COL4A6: variants seen among roughly 807,000 people sequenced by gnomAD.
The protein encoded by COL4A6 is collagen alpha-6(IV) chain.
In COL4A6, 59 loss-of-function variants were observed where a neutral mutation model predicts 126.7. That is an observed-to-expected ratio of 0.47 (90% CI 0.38 to 0.58). The LOEUF is 0.58. Ranked by LOEUF, COL4A6 falls within the 20% of genes least tolerant of loss-of-function variation. COL4A6 has a pLI of 0.00. For synonymous variants in COL4A6, 547 were observed against 496.6 expected (o/e 1.10, Z -1.35); for missense variants, 1,285 against 1,337.3 (o/e 0.96, Z 0.61).
chrX:108,423,315 C>A (rs1569463296), intron 2 of COL4A6, among the ~76,000 whole-genome samples: 1 of 112,051 alleles, frequency 8.9e-6, no homozygotes, highest in Non-Finnish European at 1.9e-5. Flanking sequence ...AAGTTCTTAA[C>A]AATAACCCTA....
intron 3 of COL4A6, among the ~76,000 whole-genome samples, chrX:108,239,436 A>G (rs1011676630): frequency 8.9e-6 from 1 of 111,965 alleles, no homozygotes; most frequent in African/African-American, 3.2e-5. Flanking sequence ...AGGTAATCGA[A>G]CCAAGAGGAT....
chrX:108,253,767 C>G (rs2036918938), intron 3 of COL4A6, among the ~76,000 whole-genome samples: 1 of 111,880 alleles, frequency 8.9e-6, no homozygotes. Flanking sequence ...ACCCCTAGTT[C>G]TTTCCTAAGT....
In COL4A6 at chrX:108,187,093, C is replaced by A; in HGVS notation, c.1951+3G>T. 8.9e-7 allele frequency: 1 copy of A among 1,129,116 alleles called. No homozygotes were observed. The highest frequency in any genetic ancestry group is 1.2e-6 in the Non-Finnish European group (1 of 847,636). 93.1% of individuals were successfully genotyped at this position (1,129,116 alleles called of 1,213,427 possible). ...TCCAAAGCCATCTGATTCTATGACT[C>A]ACCCTTAGATCCGGGAAGGCCTTGT... On this transcript the variant is annotated splice_donor_region_variant and intron_variant, in intron 23 of 44. Transcript: ENST00000334504.
At chrX:108,282,448 T>C (rs1188486596) in intron 3 of COL4A6, among the ~76,000 whole-genome samples, 6 of 111,085 alleles carry the variant, frequency 5.4e-5, no homozygotes, top group East Asian at 2.8e-4. Context: ...CACAATGAGA[T>C]ACCATCTCAC....
chrX:108,379,434 AC>A (rs1443462256), intron 2 of COL4A6, among the ~76,000 whole-genome samples: 4 of 98,944 alleles, frequency 4.0e-5, no homozygotes, highest in Non-Finnish European at 6.1e-5. Context: ...TAATTAAAAA[AC>A]TTTTTTTTTT....
At position 108,438,204 on chromosome X, in the gene COL4A6, G is replaced by T. The variant is rs773577197; in HGVS notation, c.-8C>A. 1 of 1,191,082 alleles carries T rather than the reference G, an allele frequency of 8.4e-7. No homozygotes were observed. The highest frequency in any genetic ancestry group is 3.0e-5 in the East Asian group (1 of 33,774). The stretch of plus-strand genomic sequence containing the variant: ...AGCTCACCCAGGGTGCATGCTTGCG[G>T]CTCCTCCGGAGCTGGGTCCCGGGAG... On this transcript the variant is annotated 5_prime_UTR_variant, in exon 1 of 45. Coordinates refer to ENST00000334504, the MANE Select transcript of COL4A6 (RefSeq NM_033641.4).
chrX:108,177,100 G>A, intron 27 of COL4A6, 89 bp from the exon 28 acceptor site: 1 of 898,908 alleles, frequency 1.1e-6, no homozygotes, highest in African/African-American at 2.0e-5. Context: ...GCTTCTGATT[G>A]GTTTGGCTTG....
In COL4A6 at chrX:108,161,097, C is replaced by G. The variant is rs752384058; in HGVS notation, c.4334-443G>C. Among the ~76,000 whole-genome samples the G allele has an allele frequency of 4.5e-5, 5 of 111,969 alleles. No individual in the cohort carries two copies. The East Asian group carries it at 1.4e-3, about 32-fold the overall frequency. ...GATTAGCAGGGTAAAATCTTGCCCT[C>G]CTCTCCTGCCCATGACAGACATGAC... On this transcript the variant is annotated intron_variant, in intron 42 of 44. Coordinates refer to ENST00000334504, the MANE Select transcript of COL4A6 (RefSeq NM_033641.4).
At chrX:108,436,505 G>A (rs1423974524) in intron 2 of COL4A6, among the ~76,000 whole-genome samples, 1 of 112,804 alleles carries the variant, frequency 8.9e-6, no homozygotes, top group Non-Finnish European at 1.9e-5. Context: ...TTGCTTGAGG[G>A]TATTCTGCCC....
intron 3 of COL4A6, among the ~76,000 whole-genome samples, chrX:108,278,823 G>A: frequency 9.0e-6 from 1 of 110,944 alleles, no homozygotes; most frequent in African/African-American, 3.3e-5. Flanking sequence ...CCAGAAGAGA[G>A]TGGGGGCCAA....
chrX:108,212,513 C>G (rs1218735785), intron 6 of COL4A6, among the ~76,000 whole-genome samples: 2 of 111,784 alleles, frequency 1.8e-5, no homozygotes, highest in South Asian at 3.7e-4. Flanking sequence ...GTCCCTACAC[C>G]TAAGGGGAAG....
chrX:108,164,227 C>T (rs1419455820), intron 40 of COL4A6, among the ~76,000 whole-genome samples: 1 of 111,511 alleles, frequency 9.0e-6, no homozygotes, highest in African/African-American at 3.3e-5. Flanking sequence ...AGCCTCAGGG[C>T]TTGCTACTAG....
At chrX:108,425,721 A>AACAC (rs747095939) in intron 2 of COL4A6, among the ~76,000 whole-genome samples, 60 of 97,979 alleles carry the variant, frequency 6.1e-4, no homozygotes, top group Non-Finnish European at 1.0e-3. Context: ...GCGACAGCAC[A>AACAC]ACACACACAC....
intron 2 of COL4A6, among the ~76,000 whole-genome samples, chrX:108,317,454 C>A (rs760041905): frequency 8.9e-6 from 1 of 112,277 alleles, no homozygotes; most frequent in Non-Finnish European, 1.9e-5. Flanking sequence ...GTTGTGGTAA[C>A]AAACTTAAGA....
intron 3 of COL4A6, among the ~76,000 whole-genome samples, chrX:108,280,094 A>G (rs2037755329): frequency 9.0e-6 from 1 of 111,521 alleles, no homozygotes; most frequent in Admixed American, 9.5e-5. Flanking sequence ...CTAGAAAAGC[A>G]AGAGCAAACA....
Position 108,438,202 on chromosome X carries a change from C to T in COL4A6, c.-6G>A. 8.4e-7 allele frequency: 1 copy of T among 1,190,180 alleles called. No homozygotes were observed. The highest frequency in any genetic ancestry group is 1.1e-6 in the Non-Finnish European group (1 of 886,580). On this transcript the variant is annotated 5_prime_UTR_variant, in exon 1 of 45. Coordinates refer to ENST00000334504, the MANE Select transcript of COL4A6 (RefSeq NM_033641.4). ...ACAGCTCACCCAGGGTGCATGCTTGCGGCTCCTCCGGAGCTGGGTCCCGGG... is the reference window on the plus strand; with the variant it reads ...ACAGCTCACCCAGGGTGCATGCTTGTGGCTCCTCCGGAGCTGGGTCCCGGG...
At position 108,164,689 on chromosome X, in the gene COL4A6, C is replaced by G. The variant is rs1396704368; in HGVS notation, c.3980G>C (p.Gly1327Ala). Residue 1327 changes from glycine to alanine, a missense_variant, in exon 40 of 45, where the codon GGT (glycine) becomes GCT (alanine). Transcript: ENST00000334504. ...TGGAGTCCCCATGAAGCCAGGCTCA[C>G]CTCTCATGCCTGACAAAGCCCAAAG... ...PGELGLKGMR[G>A]EPGFMGTPGK... 8.3e-7 allele frequency: 1 copy of G among 1,211,144 alleles called. No individual in the cohort carries two copies. Among genetic ancestry groups the G allele is most frequent in the Admixed American group, 2.2e-5 (1 of 46,021 alleles).
chrX:108,323,427 A>T (rs2039076375), intron 2 of COL4A6, among the ~76,000 whole-genome samples: 1 of 111,956 alleles, frequency 8.9e-6, no homozygotes, highest in Non-Finnish European at 1.9e-5. Flanking sequence ...TATGCTTCTA[A>T]AACTTGGATG....
At chrX:108,258,879 C>G (rs948272017) in intron 3 of COL4A6, among the ~76,000 whole-genome samples, 1 of 111,555 alleles carries the variant, frequency 9.0e-6, no homozygotes, top group African/African-American at 3.3e-5. Context: ...AACCAAGACT[C>G]CTATGTTCCC....
Sources: gnomAD v4.1 joint callset for allele counts (sites outside exome capture counted in the v4.1 genomes callset) on GRCh38, gnomAD v4.1.1 for gene constraint, MANE v1.5 for transcripts, NCBI Gene and HGNC (gene_info 2026-07-23, HGNC 2026-07-21) for gene names.